SP3: variants seen among roughly 807,000 people sequenced by gnomAD.
SP3 encodes Sp3 transcription factor.
Under a neutral mutation model 70.3 loss-of-function variants are expected in SP3, and 10 were observed. The ratio of observed to expected loss-of-function variants is 0.14; its 90% CI spans 0.09 to 0.24. The LOEUF is 0.24. Ranked by LOEUF, SP3 falls within the 10% of genes least tolerant of loss-of-function variation. The pLI, the probability that SP3 is intolerant of heterozygous loss-of-function variation, is 1.00. For missense variants in SP3, 825 were observed against 914.6 expected (o/e 0.90, Z 1.26); for synonymous variants, 402 against 333.5 (o/e 1.21, Z -2.24).
intron 1 of SP3, 91 bp from the exon 2 acceptor site, chr2:173,964,644 A>C (rs1691226759): frequency 1.5e-5 from 8 of 540,304 alleles, no homozygotes; most frequent in Non-Finnish European, 1.4e-5. Flanking sequence ...ATTACTCCCA[A>C]AGCCCGGACC....
chr2:173,916,858 C>T (rs1689629557), intron 5 of SP3: 1 of 152,054 alleles, frequency 6.6e-6, no homozygotes, highest in African/African-American at 2.4e-5. Context: ...GATGTTAAAT[C>T]ACCCTACATC....
At chr2:173,938,986 T>C (rs1446572) in intron 4 of SP3, among the ~76,000 whole-genome samples, 43,251 of 152,018 alleles carry the variant, frequency 0.28, 7,087 homozygotes, top group East Asian at 0.62. Context: ...CAGCATCTAG[T>C]GGGTAAGTCA....
intron 4 of SP3, among the ~76,000 whole-genome samples, chr2:173,945,995 C>T (rs1690523977): frequency 6.6e-6 from 1 of 152,052 alleles, no homozygotes. Flanking sequence ...GGCATGGTGG[C>T]AGGCTCCTGT....
At position 173,905,452 on chromosome 2, in the gene SP3, T is replaced by C. The variant is rs1287691441; in HGVS notation, c.*4489A>G. On this transcript the variant is annotated 3_prime_UTR_variant, in exon 7 of 7. Transcript: ENST00000310015. ...AATATCACACATCTAGTAAGTAGCT[T>C]AGCATAGATTCAGAAGCAAGAGTTA... Among the ~76,000 whole-genome samples the C allele has an allele frequency of 6.6e-6, 1 of 152,138 alleles. No individual in the cohort carries two copies. The highest frequency in any genetic ancestry group is 1.5e-5 in the Non-Finnish European group (1 of 68,032).
chr2:173,947,834 C>T (rs375496619), intron 4 of SP3, among the ~76,000 whole-genome samples: 6 of 152,120 alleles, frequency 3.9e-5, no homozygotes, highest in African/African-American at 1.4e-4. Context: ...GGCATTTCTG[C>T]AAGCCCCAAA....
intron 4 of SP3, among the ~76,000 whole-genome samples, chr2:173,936,416 C>T (rs1690213301): frequency 6.6e-6 from 1 of 152,112 alleles, no homozygotes; most frequent in Admixed American, 6.5e-5. Context: ...TTCCTCTGTT[C>T]AAAAACTTTC....
intron 3 of SP3, among the ~76,000 whole-genome samples, chr2:173,956,786 TA>T (rs1043032370): frequency 1.1e-4 from 16 of 152,258 alleles, no homozygotes; most frequent in African/African-American, 3.6e-4. Flanking sequence ...ACAAAGACCT[TA>T]AAAAAACTTA....
In SP3 at chr2:173,902,576, T is replaced by C. The variant is rs970865316; in HGVS notation, c.*7365A>G. Among the ~76,000 whole-genome samples, 5 of 152,120 alleles carry C rather than the reference T, an allele frequency of 3.3e-5. No individual in the cohort carries two copies. Among genetic ancestry groups the C allele is most frequent in the Admixed American group, 1.3e-4 (2 of 15,274 alleles). The stretch of plus-strand genomic sequence containing the variant: ...CAAAAATTGGAAATAACTGAGATGC[T>C]CATCAAGAAGAAAATGGATACATTG... On this transcript the variant is annotated 3_prime_UTR_variant, in exon 7 of 7. Coordinates refer to ENST00000310015, the MANE Select transcript of SP3 (RefSeq NM_003111.5).
Position 173,901,967 on chromosome 2 carries a change from C to A in SP3, c.*7974G>T, listed in dbSNP as rs545369113. ...CTTCCCAAAGTGCTGGGACCACAGG[C>A]ATGAGCCACTGCCCCCGGCCAAGCC... On this transcript the variant is annotated 3_prime_UTR_variant, in exon 7 of 7. Transcript: ENST00000310015. 1.3e-5 allele frequency among the ~76,000 whole-genome samples: 2 copies of A among 152,304 alleles called. No individual in the cohort carries two copies. Among genetic ancestry groups the A allele is most frequent in the South Asian group, 4.1e-4 (2 of 4,832 alleles).
Position 173,909,348 on chromosome 2 carries a change from T to G in SP3, c.*593A>C, listed in dbSNP as rs1559087699. On this transcript the variant is annotated 3_prime_UTR_variant, in exon 7 of 7. Transcript: ENST00000310015. ...AAAGGTGACTATCCCTAGAGTTCCA[T>G]GTTAAAATGTAGTTTTCAAAATCTT... 6.6e-6 allele frequency: 1 copy of G among 152,516 alleles called. No homozygotes were observed. Among genetic ancestry groups the G allele is most frequent in the African/African-American group, 2.4e-5 (1 of 41,456 alleles). The allele number at this position is 152,516 out of a possible 1,614,324, so 9.4% of individuals were successfully genotyped here.
At position 173,933,672 on chromosome 2, in the gene SP3, A is replaced by AT. The variant is rs1553516838; in HGVS notation, c.1640-14888_1640-14887insA. Reference sequence around the variant, plus strand: ...TATATATATATATATATATATATATAAAAGTTATAAAGTAACATTTATAAA... The same window carrying AT: ...TATATATATATATATATATATATATATAAAGTTATAAAGTAACATTTATAAA... On this transcript the variant is annotated intron_variant, in intron 4 of 6. Coordinates refer to ENST00000310015, the MANE Select transcript of SP3 (RefSeq NM_003111.5). Among the ~76,000 whole-genome samples the AT allele has an allele frequency of 5.7e-3, 805 of 140,660 alleles. 14 individuals carry two copies. The highest frequency in any genetic ancestry group is 0.02 in the African/African-American group (740 of 37,088). The allele number at this position is 140,660 out of a possible 152,430, so 92.3% of individuals were successfully genotyped here.
intron 4 of SP3, among the ~76,000 whole-genome samples, chr2:173,950,635 T>A: frequency 6.9e-6 from 1 of 144,904 alleles, no homozygotes. Flanking sequence ...CACTCCAGCC[T>A]AGAAAACAGA....
intron 4 of SP3, among the ~76,000 whole-genome samples, chr2:173,920,611 T>A (rs555149922): frequency 1.3e-5 from 2 of 152,152 alleles, no homozygotes; most frequent in South Asian, 4.1e-4. Flanking sequence ...ATTTATTTAT[T>A]TATTTATTTA....
intron 4 of SP3, among the ~76,000 whole-genome samples, chr2:173,932,976 G>T: frequency 6.6e-6 from 1 of 152,114 alleles, no homozygotes; most frequent in Non-Finnish European, 1.5e-5. Flanking sequence ...CTGGGCGACA[G>T]TACGAGACTG....
chr2:173,940,410 T>C (rs1336057690), intron 4 of SP3, among the ~76,000 whole-genome samples: 1 of 152,186 alleles, frequency 6.6e-6, no homozygotes, highest in Non-Finnish European at 1.5e-5. Context: ...CTGCTGTTGA[T>C]GTGACAGGAG....
chr2:173,915,250 G>A (rs942354710), intron 5 of SP3: 1 of 151,944 alleles, frequency 6.6e-6, no homozygotes, highest in Non-Finnish European at 1.5e-5. Flanking sequence ...ACATAGGGGC[G>A]GGGTTGCACA....
chr2:173,946,999 A>G (rs1690562526), intron 4 of SP3, among the ~76,000 whole-genome samples: 1 of 152,030 alleles, frequency 6.6e-6, no homozygotes, highest in African/African-American at 2.4e-5. Flanking sequence ...GTGGGATTAG[A>G]GGCATGAGCC....
At chr2:173,952,665 C>T (rs66766907) in intron 4 of SP3, among the ~76,000 whole-genome samples, 35,594 of 151,718 alleles carry the variant, frequency 0.23, 4,317 homozygotes, top group Middle Eastern at 0.29. Flanking sequence ...TAAATGTCCA[C>T]CAGTAGATAA....
At chr2:173,915,153 A>G (rs1689589912) in intron 5 of SP3, 1 of 152,198 alleles carries the variant, frequency 6.6e-6, no homozygotes, top group South Asian at 2.1e-4. Flanking sequence ...TCAAAGAAGC[A>G]AGAAGCTAGG....
Sources: allele counts gnomAD v4.1 joint callset (sites outside exome capture counted in the v4.1 genomes callset), GRCh38; gene constraint gnomAD v4.1.1; transcripts MANE v1.5; gene names NCBI Gene and HGNC (gene_info 2026-07-23, HGNC 2026-07-21).